SUGP1: variants seen among roughly 807,000 people sequenced by gnomAD.
SUGP1 encodes the protein SURP and G-patch domain containing 1, also known as SURP and G-patch domain-containing protein 1.
A neutral mutation model predicts 76.5 loss-of-function variants in SUGP1; 34 were observed. The observed-to-expected ratio is 0.44, with a 90% confidence interval of 0.34 to 0.59. SUGP1 has a LOEUF of 0.59. SUGP1 is among the 20% of genes least tolerant of loss of function. SUGP1 has a pLI of 0.01. For synonymous variants in SUGP1, 326 were observed against 326.2 expected (o/e 1.00, Z 0.01); for missense variants, 752 against 851.7 (o/e 0.88, Z 1.46).
Position 19,280,194 on chromosome 19 carries a change from C to T in SUGP1, c.1341G>A (p.Glu447=), listed in dbSNP as rs748008933. Reference sequence around the variant, plus strand: ...GTCCCCGCAGTCTTACCTCCTGCTGCTCCTTCAGCTGCTTCTTCTGGGCGT... The same window carrying T: ...GTCCCCGCAGTCTTACCTCCTGCTGTTCCTTCAGCTGCTTCTTCTGGGCGT... ...LSDAQKKQLK[E]QQEMQQMYDM... The change falls in exon 9 of 14, where the codon GAG becomes GAA. Residue 447 remains glutamate (E), a synonymous_variant. Coordinates refer to ENST00000247001, the MANE Select transcript of SUGP1 (RefSeq NM_172231.4). 1 of 1,613,908 alleles carries T rather than the reference C, an allele frequency of 6.2e-7. No homozygotes were observed. The highest frequency in any genetic ancestry group is 8.5e-7 in the Non-Finnish European group (1 of 1,179,926).
intron 7 of SUGP1, among the ~76,000 whole-genome samples, chr19:19,301,383 C>T (rs1461328412): frequency 2.0e-5 from 3 of 152,188 alleles, no homozygotes; most frequent in Non-Finnish European, 1.5e-5. Flanking sequence ...GTCCCACCTC[C>T]CAATGGTGGC....
chr19:19,294,828 T>C (rs1234992856), intron 8 of SUGP1, among the ~76,000 whole-genome samples: 1 of 150,020 alleles, frequency 6.7e-6, no homozygotes, highest in Non-Finnish European at 1.5e-5. Flanking sequence ...TCTGGCCACA[T>C]TAAAAAAAGA....
intron 2 of SUGP1, among the ~76,000 whole-genome samples, chr19:19,311,426 T>C (rs1012978308): frequency 6.6e-6 from 1 of 151,606 alleles, no homozygotes; most frequent in African/African-American, 2.4e-5. Flanking sequence ...GGCTGTTTTC[T>C]TAGAAATGTT....
At chr19:19,282,469 C>CA (rs1418684452) in intron 8 of SUGP1, among the ~76,000 whole-genome samples, 1 of 150,746 alleles carries the variant, frequency 6.6e-6, no homozygotes, top group African/African-American at 2.4e-5. Flanking sequence ...AGACTCAATT[C>CA]AGACCCAAAG....
At chr19:19,316,328 A>T in intron 2 of SUGP1, 94 bp downstream of exon 2, 5 of 1,481,640 alleles carry the variant, frequency 3.4e-6, no homozygotes, top group South Asian at 1.3e-5. Context: ...GCTGGGTGCA[A>T]GCACATGCTG....
At chr19:19,282,891 C>T (rs1318876595) in intron 8 of SUGP1, among the ~76,000 whole-genome samples, 2 of 152,128 alleles carry the variant, frequency 1.3e-5, no homozygotes, top group Non-Finnish European at 2.9e-5. Flanking sequence ...TCCTGGCTAA[C>T]ACGGTGAAAC....
At chr19:19,313,560 T>C (rs932439071) in intron 2 of SUGP1, among the ~76,000 whole-genome samples, 7 of 151,984 alleles carry the variant, frequency 4.6e-5, no homozygotes, top group Admixed American at 4.6e-4. Flanking sequence ...AATTTAAAAA[T>C]TAGCTAGGCA....
intron 3 of SUGP1, among the ~76,000 whole-genome samples, chr19:19,308,295 A>G (rs1310097368): frequency 6.6e-6 from 1 of 152,158 alleles, no homozygotes; most frequent in South Asian, 2.1e-4. Context: ...TCGGCCTCCC[A>G]AAGTGCTGAG....
intron 2 of SUGP1, among the ~76,000 whole-genome samples, chr19:19,311,343 CA>C (rs11326181): frequency 0.22 from 29,580 of 134,860 alleles, 3,143 homozygotes; most frequent in South Asian, 0.38. Flanking sequence ...ATATACTTTG[CA>C]AAAAAAAAAA....
At chr19:19,286,670 A>C (rs7254748) in intron 8 of SUGP1, among the ~76,000 whole-genome samples, 63,744 of 151,884 alleles carry the variant, frequency 0.42, 14,830 homozygotes, top group African/African-American at 0.62. Flanking sequence ...ATCACTTGAG[A>C]CCAGGAGTTT....
In SUGP1 at chr19:19,316,429, G is replaced by A. The variant is rs1406240682; in HGVS notation, c.199C>T (p.Pro67Ser). ...GCCCCAGCAGGCACTTACTCGCCAG[G>A]ATGTGGGGGCTGAGGGCTGGCCACC... Reference protein sequence around the residue: ...NQVASPQPPHPGEITNAHNSS... With the variant: ...NQVASPQPPHSGEITNAHNSS... Residue 67 changes from proline to serine, a missense_variant, in exon 2 of 14, where the codon CCT becomes TCT. By Grantham distance (74) the Pro-to-Ser change is moderately conservative. This residue lies in a region of SUGP1 where 620 missense variants were observed against 617.3 expected (regional missense o/e 1.00). Transcript: ENST00000247001. 6.2e-7 allele frequency: 1 copy of A among 1,613,898 alleles called. No homozygotes were observed. The highest frequency in any genetic ancestry group is 8.5e-7 in the Non-Finnish European group (1 of 1,179,990).
intron 13 of SUGP1, 119 bp downstream of exon 13, chr19:19,276,828 G>T: frequency 6.5e-7 from 1 of 1,547,394 alleles, no homozygotes. Context: ...CAGGTGGGTG[G>T]TAGGGGGCTC....
rs752771723 is a variant in SUGP1 at position 19,277,006 on chromosome 19, C to T, written c.1852G>A (p.Glu618Lys). ...RPAELSKEDD[E>K]YEAFRKRMML... ...ATCCTCTTGCGGAACGCCTCATACT[C>T]GTCGTCCTCCTTGGAGAGCTCCGCC... Residue 618 changes from glutamate (E) to lysine (K), a missense_variant, in exon 13 of 14, where the codon GAG becomes AAG. Physicochemically the swap from Glu to Lys is moderately conservative, Grantham distance 56. Around this residue, in one of 2 missense-constraint regions of SUGP1, gnomAD observed 132 missense variants for 234.4 expected, o/e 0.56. Transcript: ENST00000247001. 3 of 1,613,000 alleles carry T rather than the reference C, an allele frequency of 1.9e-6. No homozygotes were observed. The highest frequency in any genetic ancestry group is 1.7e-5 in the Admixed American group (1 of 60,012).
intron 2 of SUGP1, among the ~76,000 whole-genome samples, chr19:19,312,277 T>C (rs113189294): frequency 2.0e-5 from 2 of 98,140 alleles, no homozygotes; most frequent in South Asian, 4.7e-4. Context: ...AACCCAACAA[T>C]GTCTCCCTAC....
At chr19:19,286,457 AC>A in intron 8 of SUGP1, among the ~76,000 whole-genome samples, 1 of 152,312 alleles carries the variant, frequency 6.6e-6, no homozygotes, top group East Asian at 1.9e-4. Flanking sequence ...GCTAGAGAAA[AC>A]TGTCTTCAGA....
intron 8 of SUGP1, among the ~76,000 whole-genome samples, chr19:19,283,463 T>C (rs977150022): frequency 1.3e-5 from 2 of 150,612 alleles, no homozygotes; most frequent in East Asian, 3.9e-4. Flanking sequence ...CTTCTTTTTT[T>C]TCTGTTTTTG....
rs558909646 is a variant in SUGP1 at position 19,280,082 on chromosome 19, T to G, written c.1350+103A>C. On this transcript the variant is annotated intron_variant, in intron 9 of 13. Coordinates refer to ENST00000247001, the MANE Select transcript of SUGP1 (RefSeq NM_172231.4). ...ATGGGTTCCACCTGAACACAGGAGC[T>G]TGGCGAAGCACATGAACCCCTGTGA... 4 of 1,152,844 alleles carry G rather than the reference T, an allele frequency of 3.5e-6. No individual in the cohort carries two copies. In the South Asian group the frequency reaches 5.6e-5, roughly 16 times the overall value. The allele number at this position is 1,152,844 out of a possible 1,614,324, so 71.4% of individuals were successfully genotyped here.
At chr19:19,284,875 GT>G (rs756645152) in intron 8 of SUGP1, among the ~76,000 whole-genome samples, 5,198 of 129,652 alleles carry the variant, frequency 0.04, 90 homozygotes, top group East Asian at 0.074. Context: ...AAACAGGTTT[GT>G]TTTTTTTTTT....
intron 11 of SUGP1, among the ~76,000 whole-genome samples, chr19:19,278,404 G>T (rs1222564039): frequency 6.6e-6 from 1 of 152,190 alleles, no homozygotes; most frequent in Non-Finnish European, 1.5e-5. Context: ...GGGGACTTCT[G>T]CCGGAGAAAC....
Sources: gnomAD v4.1 joint callset for allele counts (sites outside exome capture counted in the v4.1 genomes callset) on GRCh38, gnomAD v4.1.1 for gene constraint, gnomAD v4.1.1 regional missense constraint, MANE v1.5 for transcripts, NCBI Gene and HGNC (gene_info 2026-07-23, HGNC 2026-07-21) for gene names.